SLC24A2: variants seen among roughly 807,000 people sequenced by gnomAD.
The protein encoded by SLC24A2 is solute carrier family 24 member 2, also known as sodium/potassium/calcium exchanger 2.
SLC24A2 carries 36 observed loss-of-function variants against 62.0 expected under a neutral mutation model. The ratio of observed to expected loss-of-function variants is 0.58; its 90% CI spans 0.44 to 0.77. SLC24A2 has a LOEUF of 0.77. Ranked by LOEUF, SLC24A2 falls within the 30% of genes least tolerant of loss-of-function variation. The pLI, the probability that SLC24A2 is intolerant of heterozygous loss-of-function variation, is 0.00. For synonymous variants in SLC24A2, 358 were observed against 294.0 expected (o/e 1.22, Z -2.23); for missense variants, 846 against 817.9 (o/e 1.03, Z -0.42).
chr9:19,880,653 C>T, the SLC24A2 span, among the ~76,000 whole-genome samples: 4 of 152,040 alleles, frequency 2.6e-5, no homozygotes, highest in African/African-American at 7.3e-5. Flanking sequence ...ACATTATTTG[C>T]TAATGGGATG....
At chr9:19,535,661 G>A (rs1429422881) in intron 8 of SLC24A2, among the ~76,000 whole-genome samples, 1 of 152,152 alleles carries the variant, frequency 6.6e-6, no homozygotes, top group East Asian at 1.9e-4. Flanking sequence ...TTAGATGATT[G>A]TAGATGTGTG....
chr9:19,815,887 G>A, the SLC24A2 span, among the ~76,000 whole-genome samples: 3 of 151,092 alleles, frequency 2.0e-5, no homozygotes, highest in Non-Finnish European at 4.4e-5. Context: ...AATGGGTAAT[G>A]GAGTATAAGT....
chr9:20,149,228 C>T, the SLC24A2 span, among the ~76,000 whole-genome samples: 1 of 152,026 alleles, frequency 6.6e-6, no homozygotes, highest in Non-Finnish European at 1.5e-5. Flanking sequence ...AATGACTTTC[C>T]TCTCTAATCT....
At chr9:20,097,109 C>A in the SLC24A2 span, among the ~76,000 whole-genome samples, 3 of 152,158 alleles carry the variant, frequency 2.0e-5, no homozygotes, top group Non-Finnish European at 4.4e-5. Context: ...CCTCCAATGT[C>A]CACCCTACAT....
intron 8 of SLC24A2, among the ~76,000 whole-genome samples, chr9:19,543,511 T>C (rs1237190339): frequency 6.6e-6 from 1 of 152,200 alleles, no homozygotes; most frequent in Non-Finnish European, 1.5e-5. Context: ...CTAGTTCTTT[T>C]AATTTTGATG....
chr9:19,889,485 C>G, the SLC24A2 span, among the ~76,000 whole-genome samples: 3 of 152,132 alleles, frequency 2.0e-5, no homozygotes. Context: ...GTCCATAGGC[C>G]TCCATTCATG....
chr9:20,100,066 T>G, the SLC24A2 span, among the ~76,000 whole-genome samples: 1 of 152,088 alleles, frequency 6.6e-6, no homozygotes, highest in Non-Finnish European at 1.5e-5. Flanking sequence ...TCACCCAGGC[T>G]GGAGTGCAGT....
intron 2 of SLC24A2, among the ~76,000 whole-genome samples, chr9:19,720,383 T>C (rs1820987495): frequency 6.6e-6 from 1 of 152,116 alleles, no homozygotes; most frequent in Non-Finnish European, 1.5e-5. Context: ...TCTACAATAG[T>C]TTACCAGACA....
chr9:19,846,667 G>A, the SLC24A2 span, among the ~76,000 whole-genome samples: 2 of 152,086 alleles, frequency 1.3e-5, no homozygotes, highest in African/African-American at 4.8e-5. Flanking sequence ...TTGCTTTATA[G>A]GGTCTGTGGG....
the SLC24A2 span, among the ~76,000 whole-genome samples, chr9:20,123,943 A>C: frequency 6.6e-6 from 1 of 152,222 alleles, no homozygotes; most frequent in Non-Finnish European, 1.5e-5. Context: ...TGAAAATACT[A>C]TACCTAACTG....
intron 2 of SLC24A2, among the ~76,000 whole-genome samples, chr9:19,684,375 A>G (rs1040120037): frequency 2.6e-5 from 4 of 152,124 alleles, no homozygotes; most frequent in African/African-American, 9.7e-5. Context: ...ACTTCCATTC[A>G]GGACTCTTGA....
the SLC24A2 span, among the ~76,000 whole-genome samples, chr9:20,103,435 T>A: frequency 2.0e-4 from 31 of 152,236 alleles, no homozygotes; most frequent in African/African-American, 7.5e-4. Context: ...GCAGCCTAAC[T>A]GGGAGGCACC....
the SLC24A2 span, among the ~76,000 whole-genome samples, chr9:19,934,974 C>T: frequency 6.6e-6 from 1 of 152,100 alleles, no homozygotes; most frequent in Non-Finnish European, 1.5e-5. The surrounding 1 kb of genome is among the most constrained non-coding windows in gnomAD (Gnocchi z 4.1). Flanking sequence ...ACTTTGTTTT[C>T]CTCGTGGGAA....
the SLC24A2 span, among the ~76,000 whole-genome samples, chr9:20,035,902 A>G: frequency 6.6e-6 from 1 of 152,254 alleles, no homozygotes; most frequent in Non-Finnish European, 1.5e-5. Flanking sequence ...TCAATAGCAG[A>G]ACAGTTATTC....
At chr9:20,135,697 A>T in the SLC24A2 span, among the ~76,000 whole-genome samples, 2 of 152,118 alleles carry the variant, frequency 1.3e-5, no homozygotes, top group African/African-American at 4.8e-5. Context: ...AATGAGGCTG[A>T]AAAATTATGT....
chr9:19,957,262 T>C, the SLC24A2 span: 1 of 18,694 alleles, frequency 5.3e-5, no homozygotes, highest in East Asian at 1.4e-3. Flanking sequence ...CTAGCCTCAG[T>C]TTAACAATTT....
the SLC24A2 span, among the ~76,000 whole-genome samples, chr9:20,029,852 G>A: frequency 0.17 from 26,475 of 151,982 alleles, 2,564 homozygotes; most frequent in Middle Eastern, 0.32. Context: ...GTGTATGCAT[G>A]TATGTGTGTG....
intron 2 of SLC24A2, among the ~76,000 whole-genome samples, chr9:19,771,881 T>A (rs944742594): frequency 1.3e-5 from 2 of 152,184 alleles, no homozygotes; most frequent in African/African-American, 4.8e-5. Flanking sequence ...GATGCAAATG[T>A]TCCTAGGGCA....
chr9:19,855,783 G>T, the SLC24A2 span, among the ~76,000 whole-genome samples: 1 of 152,104 alleles, frequency 6.6e-6, no homozygotes, highest in Non-Finnish European at 1.5e-5. Context: ...TCTTCTCATG[G>T]AGTATTTTAC....
Sources: gnomAD v4.1 joint callset for allele counts (sites outside exome capture counted in the v4.1 genomes callset) on GRCh38, gnomAD v4.1.1 for gene constraint, Gnocchi (gnomAD v3.1) non-coding constraint, MANE v1.5 for transcripts, NCBI Gene and HGNC (gene_info 2026-07-23, HGNC 2026-07-21) for gene names.